ZNF503: variants seen among roughly 807,000 people sequenced by gnomAD.
ZNF503 encodes the protein zinc finger protein 503, also known as NocA-like zinc finger 2.
A neutral mutation model predicts 34.4 loss-of-function variants in ZNF503; 15 were observed. The ratio of observed to expected loss-of-function variants is 0.44; its 90% confidence interval spans 0.29 to 0.67. The LOEUF (loss-of-function observed/expected upper bound fraction) is 0.67. Among genes scored for constraint, ZNF503 ranks in the 30% least tolerant of loss-of-function variants. The pLI, the probability that ZNF503 is intolerant of heterozygous loss-of-function variation, is 0.13. For missense variants in ZNF503, 1,007 were observed against 926.8 expected, an observed-to-expected ratio of 1.09 and a Z score of -1.12; for synonymous variants, 580 against 456.8, an observed-to-expected ratio of 1.27 and a Z score of -3.44.
chr10:75,371,683 C>T, the ZNF503 span, among the ~76,000 whole-genome samples: 9 of 152,230 alleles, frequency 5.9e-5, no homozygotes, highest in East Asian at 1.9e-4. Flanking sequence ...ATCTGCTGCA[C>T]GTGGGGGTGA....
the ZNF503 span, among the ~76,000 whole-genome samples, chr10:75,390,292 A>G: frequency 2.7e-5 from 4 of 146,898 alleles, no homozygotes; most frequent in Non-Finnish European, 6.0e-5. Flanking sequence ...CTTCCTCTTT[A>G]TTTCCATCTC....
chr10:75,386,897 TTA>T, the ZNF503 span, among the ~76,000 whole-genome samples: 2 of 152,204 alleles, frequency 1.3e-5, no homozygotes, highest in South Asian at 4.1e-4. Context: ...CCTCCACTGA[TTA>T]TATCCCTCAT....
chr10:75,325,887 C>T, the ZNF503 span, among the ~76,000 whole-genome samples: 1 of 149,528 alleles, frequency 6.7e-6, no homozygotes, highest in African/African-American at 2.5e-5. Flanking sequence ...GAGATAGGGT[C>T]TCACTCTGTC....
chr10:75,333,590 C>CA, the ZNF503 span, among the ~76,000 whole-genome samples: 835 of 53,224 alleles, frequency 0.016, no homozygotes, highest in South Asian at 0.022. Flanking sequence ...GGGGGGCTGA[C>CA]CCCCCCACCT....
In ZNF503 at chr10:75,401,308, C is replaced by A; in HGVS notation, c.112G>T (p.Gly38Ter). The A allele has an allele frequency of 6.4e-7, 1 of 1,553,608 alleles. No individual in the cohort carries two copies. Among genetic ancestry groups the A allele is most frequent in the Non-Finnish European group, 8.7e-7 (1 of 1,152,598 alleles). ...CCTGGGCCGGGGCCGGAGCTATTTCCAGAGAGCGCGCTGGTCCAGGCAGGG... is the reference window on the plus strand; with the variant it reads ...CCTGGGCCGGGGCCGGAGCTATTTCAAGAGAGCGCGCTGGTCCAGGCAGGG... ...ADPAWTSALS[G>*]NSSGPGPGSS... Residue 38 changes from glycine (G) to a stop codon, truncating the protein, a stop_gained, in exon 1 of 2, where the codon GGA (glycine) becomes TGA (stop). Coordinates refer to ENST00000372524, the MANE Select transcript of ZNF503 (RefSeq NM_032772.6). LOFTEE classifies it high-confidence loss of function.
In ZNF503 at chr10:75,401,395, C is replaced by G; in HGVS notation, c.25G>C (p.Ala9Pro). The G allele has an allele frequency of 6.5e-7, 1 of 1,538,748 alleles. No homozygotes were observed. The highest frequency in any genetic ancestry group is 8.7e-7 in the Non-Finnish European group (1 of 1,146,268). MSTAPSLS[A>P]LRSSKHSGGG... is the part of the protein sequence containing the mutation. The stretch of plus-strand genomic sequence containing the variant: ...CCGCTGTGCTTACTGCTTCTTAGGG[C>G]AGAAAGCGAGGGCGCTGTGCTCATG... The change falls in exon 1 of 2, where the codon GCC (alanine) becomes CCC (proline). Residue 9 changes from alanine to proline, a missense_variant. Coordinates refer to ENST00000372524, the MANE Select transcript of ZNF503 (RefSeq NM_032772.6).
chr10:75,373,085 A>G, the ZNF503 span, among the ~76,000 whole-genome samples: 5 of 152,240 alleles, frequency 3.3e-5, no homozygotes, highest in Non-Finnish European at 5.9e-5. Flanking sequence ...AAGGCGCACA[A>G]GCTCCGCCCC....
At chr10:75,395,687 C>T (rs376710607), downstream of ZNF503, among the ~76,000 whole-genome samples, 9 of 152,330 alleles carry the variant, frequency 5.9e-5, no homozygotes, top group South Asian at 1.0e-3. This position sits in a 1 kb window ranked among gnomAD's most constrained non-coding sequence, Gnocchi z 4.4. Flanking sequence ...ACCGCGCGCC[C>T]GGGGTGACTC....
At chr10:75,384,836 T>G in the ZNF503 span, among the ~76,000 whole-genome samples, 1 of 152,204 alleles carries the variant, frequency 6.6e-6, no homozygotes. Context: ...GCTACCTCCC[T>G]GTCCCCAGCC....
chr10:75,339,361 G>A, the ZNF503 span, among the ~76,000 whole-genome samples: 8 of 152,210 alleles, frequency 5.3e-5, no homozygotes, highest in African/African-American at 2.4e-5. Flanking sequence ...AGGAAAATGG[G>A]GGCTAGAGTC....
chr10:75,353,529 C>T, the ZNF503 span, among the ~76,000 whole-genome samples: 1 of 152,208 alleles, frequency 6.6e-6, no homozygotes, highest in African/African-American at 2.4e-5. Context: ...CAGGGAAAAC[C>T]CAACTGAGGA....
At chr10:75,397,601 G>C (rs1263766894), downstream of ZNF503, among the ~76,000 whole-genome samples, 2 of 152,114 alleles carry the variant, frequency 1.3e-5, no homozygotes, top group Non-Finnish European at 2.9e-5. Context: ...ATGATAGATA[G>C]CGGAGGACAC....
the ZNF503 span, among the ~76,000 whole-genome samples, chr10:75,317,322 G>GGC: frequency 7.7e-6 from 1 of 130,044 alleles, no homozygotes; most frequent in African/African-American, 3.0e-5. Context: ...GTTTCACCCA[G>GGC]GCTGGAGTGC....
chr10:75,339,519 G>T, the ZNF503 span, among the ~76,000 whole-genome samples: 2 of 152,204 alleles, frequency 1.3e-5, no homozygotes, highest in Admixed American at 1.3e-4. Context: ...ACTGCTTGTT[G>T]TATGCCACCA....
the ZNF503 span, among the ~76,000 whole-genome samples, chr10:75,389,152 T>C: frequency 1.3e-5 from 2 of 152,106 alleles, no homozygotes; most frequent in African/African-American, 2.4e-5. Flanking sequence ...GAAAGAAAAA[T>C]GGCAGAGATG....
chr10:75,291,463 T>C, the ZNF503 span, among the ~76,000 whole-genome samples: 1 of 151,852 alleles, frequency 6.6e-6, no homozygotes, highest in Non-Finnish European at 1.5e-5. Context: ...AACAGAAAAA[T>C]TAGCCAGGCA....
the ZNF503 span, among the ~76,000 whole-genome samples, chr10:75,299,278 T>C: frequency 6.6e-6 from 1 of 152,178 alleles, no homozygotes; most frequent in Admixed American, 6.6e-5. Flanking sequence ...TTTCTGTGTA[T>C]GGTATGAGGT....
rs1554886724 is a variant in ZNF503, at chr10:75,401,339, A to ACCGCCGCCTCCGCCT, written c.66_80dup (p.Gly23_Gly27dup). 53 of 1,431,418 alleles carry ACCGCCGCCTCCGCCT rather than the reference A, an allele frequency of 3.7e-5. No homozygotes were observed. In the East Asian group the frequency reaches 9.3e-4, roughly 25 times the overall value. The allele number at this position is 1,431,418 out of a possible 1,614,324, so 88.7% of individuals were successfully genotyped here. A position where few individuals can be genotyped will look rare whatever the true frequency, so the allele number is the denominator to read the frequency against. Reference sequence around the variant, plus strand: ...GCGCGCTGGTCCAGGCAGGGTCTGCACCGCCGCCTCCGCCTCCGCCGCCGC... The same window carrying ACCGCCGCCTCCGCCT: ...GCGCGCTGGTCCAGGCAGGGTCTGCACCGCCGCCTCCGCCTCCGCCGCCTCCGCCTCCGCCGCCGC... On this transcript the variant is annotated inframe_insertion, in exon 1 of 2. Transcript: ENST00000372524.
the ZNF503 span, among the ~76,000 whole-genome samples, chr10:75,357,349 C>T: frequency 7.6e-6 from 1 of 131,498 alleles, no homozygotes; most frequent in Non-Finnish European, 1.7e-5. Context: ...GAGGCTCCAT[C>T]TTTACAAAAA....
Sources: gnomAD v4.1 joint callset for allele counts (sites outside exome capture counted in the v4.1 genomes callset) on GRCh38, gnomAD v4.1.1 for gene constraint, Gnocchi (gnomAD v3.1) non-coding constraint, MANE v1.5 for transcripts, NCBI Gene and HGNC (gene_info 2026-07-23, HGNC 2026-07-21) for gene names.